Variants in PLCL1 observed in about 807,000 individuals in gnomAD.
PLCL1 encodes phospholipase C like 1 (inactive).
PLCL1 carries 41 observed loss-of-function variants against 84.4 expected under a neutral mutation model. The ratio of observed to expected loss-of-function variants is 0.49; its 90% CI spans 0.38 to 0.63. The LOEUF (loss-of-function observed/expected upper bound fraction) is 0.63, where lower values mean the gene tolerates loss of function less well. PLCL1 is among the 30% of genes least tolerant of loss of function. PLCL1 has a pLI of 0.00. For synonymous variants in PLCL1, 490 were observed against 488.3 expected (o/e 1.00, Z -0.05); for missense variants, 1,206 against 1,367.8 (o/e 0.88, Z 1.87).
chr2:197,810,339 T>C (rs1690558175), intron 1 of PLCL1: 7 of 1,087,132 alleles, frequency 6.4e-6, no homozygotes, highest in Non-Finnish European at 8.7e-6. Context: ...AGCTTTGTCT[T>C]ACTTTGATGA....
chr2:198,133,784 G>A (rs546913014), intron 5 of PLCL1, among the ~76,000 whole-genome samples: 50 of 152,032 alleles, frequency 3.3e-4, no homozygotes, highest in South Asian at 8.3e-4. Flanking sequence ...CTAACTTCAC[G>A]TAACTGAGTT....
chr2:197,978,358 TC>T (rs1690029644), intron 1 of PLCL1, among the ~76,000 whole-genome samples: 6 of 152,066 alleles, frequency 3.9e-5, no homozygotes, highest in Admixed American at 3.9e-4. Flanking sequence ...GCGCCTGTAG[TC>T]CCAGCTACTC....
intron 1 of PLCL1, among the ~76,000 whole-genome samples, chr2:197,889,513 C>CT (rs370171911): frequency 3.3e-5 from 5 of 151,926 alleles, no homozygotes; most frequent in Non-Finnish European, 7.4e-5. Context: ...ACATTTTAAA[C>CT]TTTTTTCTCC....
At chr2:197,923,835 G>T (rs1391609501) in intron 1 of PLCL1, among the ~76,000 whole-genome samples, 1 of 151,628 alleles carries the variant, frequency 6.6e-6, no homozygotes, top group Non-Finnish European at 1.5e-5. Flanking sequence ...GTAGCGAGCC[G>T]AGATCACGCC....
intron 1 of PLCL1, among the ~76,000 whole-genome samples, chr2:197,973,513 A>T (rs1689909255): frequency 6.6e-6 from 1 of 152,244 alleles, no homozygotes; most frequent in South Asian, 2.1e-4. Context: ...AGTATAATTT[A>T]GTACAGAATG....
At chr2:197,886,516 C>A (rs1407438395) in intron 1 of PLCL1, among the ~76,000 whole-genome samples, 1 of 147,320 alleles carries the variant, frequency 6.8e-6, no homozygotes, top group Non-Finnish European at 1.5e-5. Context: ...AAACCTAGTG[C>A]ATCTCCCTGG....
intron 1 of PLCL1, among the ~76,000 whole-genome samples, chr2:197,830,840 A>G (rs1348991510): frequency 6.6e-6 from 1 of 152,228 alleles, no homozygotes; most frequent in Admixed American, 6.5e-5. Context: ...GAAACCATGC[A>G]AGCCAGAAGA....
At chr2:198,040,343 T>G (rs565291370) in intron 1 of PLCL1, among the ~76,000 whole-genome samples, 1 of 152,272 alleles carries the variant, frequency 6.6e-6, no homozygotes, top group African/African-American at 2.4e-5. Context: ...TTTGCTTTTT[T>G]TGAGGTTGCA....
intron 1 of PLCL1, among the ~76,000 whole-genome samples, chr2:197,892,123 T>A (rs914069231): frequency 6.6e-6 from 1 of 152,198 alleles, no homozygotes; most frequent in African/African-American, 2.4e-5. Flanking sequence ...CGATTTACTA[T>A]GTGAAAGCTT....
chr2:198,041,909 A>G (rs1457145809), intron 1 of PLCL1, among the ~76,000 whole-genome samples: 56 of 152,220 alleles, frequency 3.7e-4, no homozygotes, highest in Admixed American at 3.5e-3. Context: ...TCGGTATGCA[A>G]GAGAAACAAA....
chr2:198,011,163 G>A (rs13394317), intron 1 of PLCL1, among the ~76,000 whole-genome samples: 1 of 151,702 alleles, frequency 6.6e-6, no homozygotes, highest in Non-Finnish European at 1.5e-5. Context: ...TTTGAATTTA[G>A]TTTGTTTTTC....
intron 1 of PLCL1, among the ~76,000 whole-genome samples, chr2:198,040,789 T>C (rs1691642037): frequency 6.6e-6 from 1 of 152,176 alleles, no homozygotes; most frequent in African/African-American, 2.4e-5. Flanking sequence ...CTGAGATTCA[T>C]GGATTGAAGT....
At chr2:197,992,174 A>G (rs1690359171) in intron 1 of PLCL1, among the ~76,000 whole-genome samples, 1 of 152,062 alleles carries the variant, frequency 6.6e-6, no homozygotes, top group African/African-American at 2.4e-5. Context: ...CCAACTTGTC[A>G]TTTAACATTA....
At chr2:198,020,376 C>A (rs1041843920) in intron 1 of PLCL1, among the ~76,000 whole-genome samples, 9 of 152,164 alleles carry the variant, frequency 5.9e-5, no homozygotes, top group African/African-American at 2.2e-4. Flanking sequence ...GGATCAAGTT[C>A]ACACATAACA....
At chr2:197,915,195 G>A (rs1047069785) in intron 1 of PLCL1, among the ~76,000 whole-genome samples, 4 of 152,110 alleles carry the variant, frequency 2.6e-5, no homozygotes, top group African/African-American at 9.7e-5. Flanking sequence ...CAAATCATCT[G>A]CTAACTTAAA....
intron 1 of PLCL1, among the ~76,000 whole-genome samples, chr2:197,934,349 C>T (rs1223517219): frequency 6.6e-6 from 1 of 152,138 alleles, no homozygotes; most frequent in Non-Finnish European, 1.5e-5. Context: ...TCATTGAGTT[C>T]ATGGAAGTTT....
intron 5 of PLCL1, among the ~76,000 whole-genome samples, chr2:198,128,802 A>C (rs1166556317): frequency 6.6e-6 from 1 of 152,194 alleles, no homozygotes; most frequent in Non-Finnish European, 1.5e-5. Context: ...AGTTCTTCCC[A>C]AAGTTAGTTC....
At chr2:197,912,621 A>T (rs1688504819) in intron 1 of PLCL1, among the ~76,000 whole-genome samples, 1 of 150,048 alleles carries the variant, frequency 6.7e-6, no homozygotes, top group South Asian at 2.1e-4. Flanking sequence ...GCCTTAAAAA[A>T]TGATGAGTTC....
At chr2:197,906,082 T>C (rs1688376100) in intron 1 of PLCL1, among the ~76,000 whole-genome samples, 1 of 152,232 alleles carries the variant, frequency 6.6e-6, no homozygotes, top group South Asian at 2.1e-4. Context: ...TAGATCCCAT[T>C]TGTCAATTTT....
Sources: gnomAD v4.1 joint callset for allele counts (sites outside exome capture counted in the v4.1 genomes callset) on GRCh38, gnomAD v4.1.1 for gene constraint, MANE v1.5 for transcripts, NCBI Gene and HGNC (gene_info 2026-07-23, HGNC 2026-07-21) for gene names.